Variants in ASPRV1 observed in about 807,000 individuals in gnomAD.
ASPRV1 encodes the protein aspartic peptidase retroviral like 1.
ASPRV1 carries 7 observed loss-of-function variants against 11.0 expected under a neutral mutation model. The observed-to-expected ratio is 0.64, with a 90% CI of 0.36 to 1.20. ASPRV1 has a LOEUF of 1.20. Ranked by LOEUF, ASPRV1 falls within the 50% of genes most tolerant of loss-of-function variation. ASPRV1 has a pLI of 0.02. For synonymous variants in ASPRV1, 136 were observed against 138.4 expected (o/e 0.98, Z 0.12); for missense variants, 299 against 320.0 (o/e 0.93, Z 0.50).
chr2:70,022,892 G>C, the ASPRV1 span, among the ~76,000 whole-genome samples: 2 of 152,104 alleles, frequency 1.3e-5, no homozygotes, highest in East Asian at 3.9e-4. Context: ...AGGAAAAAGG[G>C]TATAAAAGGG....
At chr2:70,058,875 T>G in the ASPRV1 span, among the ~76,000 whole-genome samples, 7 of 145,744 alleles carry the variant, frequency 4.8e-5, no homozygotes, top group Admixed American at 5.0e-4. Flanking sequence ...TAAGTTTTAT[T>G]ACCCAACTTT....
At chr2:69,942,394 T>C in the ASPRV1 span, 1 of 152,298 alleles carries the variant, frequency 6.6e-6, no homozygotes, top group Admixed American at 6.5e-5. Flanking sequence ...CATGGATGAT[T>C]TTCTCAGATT....
the ASPRV1 span, chr2:69,938,028 T>A: frequency 7.2e-5 from 106 of 1,479,774 alleles, no homozygotes; most frequent in Non-Finnish European, 9.0e-5. Flanking sequence ...ATTACAAGCA[T>A]GAGCCACCAC....
the ASPRV1 span, among the ~76,000 whole-genome samples, chr2:70,000,745 C>T: frequency 5.0e-4 from 66 of 133,262 alleles, no homozygotes; most frequent in Non-Finnish European, 7.8e-4. Context: ...GCTGTGATCA[C>T]GCCACTGCAC....
chr2:69,966,222 C>T (rs1359718376), upstream of ASPRV1, among the ~76,000 whole-genome samples: 2 of 152,208 alleles, frequency 1.3e-5, no homozygotes, highest in Admixed American at 1.3e-4. Flanking sequence ...TTGCCAAAAC[C>T]GGTTCTCCCC....
the ASPRV1 span, among the ~76,000 whole-genome samples, chr2:69,989,997 A>C: frequency 6.6e-6 from 1 of 152,180 alleles, no homozygotes; most frequent in Non-Finnish European, 1.5e-5. Flanking sequence ...ATCTTCATTT[A>C]ACTCTTTTAA....
At chr2:69,967,005 C>T in the ASPRV1 span, among the ~76,000 whole-genome samples, 6 of 152,124 alleles carry the variant, frequency 3.9e-5, no homozygotes, top group Non-Finnish European at 5.9e-5. Flanking sequence ...GGTGGCTGGG[C>T]GCACCATCCA....
upstream of ASPRV1, among the ~76,000 whole-genome samples, chr2:69,963,688 T>C: frequency 6.6e-6 from 1 of 152,076 alleles, no homozygotes; most frequent in East Asian, 1.9e-4. Context: ...GGGACCTCAT[T>C]TGAGTGGGTT....
At chr2:70,011,088 C>G in the ASPRV1 span, among the ~76,000 whole-genome samples, 2 of 151,966 alleles carry the variant, frequency 1.3e-5, no homozygotes, top group African/African-American at 4.8e-5. Flanking sequence ...GGGAGCAATA[C>G]ACACTGGGAC....
At chr2:70,065,869 G>GAAAGA in the ASPRV1 span, among the ~76,000 whole-genome samples, 1 of 109,806 alleles carries the variant, frequency 9.1e-6, no homozygotes, top group African/African-American at 4.2e-5. Flanking sequence ...AGGAAGGAAG[G>GAAAGA]AAAGAAAAGA....
the ASPRV1 span, chr2:70,083,678 TA>T: frequency 6.6e-6 from 1 of 152,160 alleles, no homozygotes; most frequent in East Asian, 1.9e-4. Context: ...ATCCACAAGA[TA>T]ATGCAGGTCT....
At chr2:70,070,764 A>G in the ASPRV1 span, 1 of 153,966 alleles carries the variant, frequency 6.5e-6, no homozygotes, top group African/African-American at 2.5e-5. Context: ...AGCCTGGGTG[A>G]CAGAGTGAGA....
the ASPRV1 span, among the ~76,000 whole-genome samples, chr2:69,948,358 C>A: frequency 6.6e-6 from 1 of 152,232 alleles, no homozygotes; most frequent in Non-Finnish European, 1.5e-5. Context: ...AGCTGTCCAG[C>A]GGCATGAAGG....
At chr2:70,070,077 G>A in the ASPRV1 span, among the ~76,000 whole-genome samples, 1 of 151,540 alleles carries the variant, frequency 6.6e-6, no homozygotes, top group Non-Finnish European at 1.5e-5. Context: ...TACTCGGGAG[G>A]CTGAAGCAGA....
At chr2:69,959,811 A>T (rs546886620), downstream of ASPRV1, among the ~76,000 whole-genome samples, 1 of 152,338 alleles carries the variant, frequency 6.6e-6, no homozygotes, top group Non-Finnish European at 1.5e-5. Context: ...ATAAAACTTT[A>T]GGGTCACTTT....
the ASPRV1 span, among the ~76,000 whole-genome samples, chr2:70,022,038 G>A: frequency 5.4e-5 from 8 of 147,868 alleles, no homozygotes; most frequent in African/African-American, 2.0e-4. Flanking sequence ...TGTTTGAGAT[G>A]GAGTCTGGCT....
chr2:70,009,658 C>T, the ASPRV1 span, among the ~76,000 whole-genome samples: 1 of 152,130 alleles, frequency 6.6e-6, no homozygotes, highest in African/African-American at 2.4e-5. Flanking sequence ...TAAATAAATA[C>T]CCACACATCC....
chr2:69,945,697 G>A, the ASPRV1 span, among the ~76,000 whole-genome samples: 5 of 152,352 alleles, frequency 3.3e-5, no homozygotes, highest in South Asian at 1.0e-3. Flanking sequence ...GGCTAGGGAT[G>A]TAATGGGACA....
the ASPRV1 span, chr2:70,056,684 G>A: frequency 1.3e-5 from 2 of 150,642 alleles, no homozygotes; most frequent in South Asian, 4.2e-4. Flanking sequence ...CCTTAAAAAT[G>A]GTTAAGATGG....
Sources: allele counts gnomAD v4.1 joint callset (sites outside exome capture counted in the v4.1 genomes callset), GRCh38; gene constraint gnomAD v4.1.1; transcripts MANE v1.5; gene names NCBI Gene and HGNC (gene_info 2026-07-23, HGNC 2026-07-21).